The following UBR1 variants were observed in gnomAD, a reference collection of about 807,000 sequenced individuals.
UBR1 encodes E3 ubiquitin-protein ligase UBR1.
In UBR1, 102 loss-of-function variants were observed where a neutral mutation model predicts 242.1. The ratio of observed to expected loss-of-function variants is 0.42; its 90% confidence interval spans 0.36 to 0.50. The LOEUF is 0.50. Among genes scored for constraint, UBR1 ranks in the 20% least tolerant of loss-of-function variants. UBR1 has a pLI of 0.01. For missense variants in UBR1, 1,772 were observed against 2,101.8 expected (o/e 0.84, Z 3.07); for synonymous variants, 675 against 684.8 (o/e 0.99, Z 0.22).
chr15:42,963,948 G>A lies in UBR1; in HGVS notation c.4687C>T (p.Pro1563Ser). Residue 1563 changes from proline to serine, a missense_variant, in exon 42 of 47, where the codon CCC becomes TCC. Pro to Ser is a moderately conservative substitution (Grantham distance 74). Coordinates refer to ENST00000290650, the MANE Select transcript of UBR1 (RefSeq NM_174916.3). ...LFQEYWDTVR[P>S]LLQRWCADPA... is the part of the protein sequence containing the mutation. ...TCCCCATAGTACCTCTGGAGCAAGG[G>A]CCTTACAGTATCCCAATATTCCTGG... is the stretch of plus-strand genomic sequence containing the variant. The A allele has an allele frequency of 6.2e-7, 1 of 1,610,942 alleles. No homozygotes were observed.
intron 42 of UBR1, among the ~76,000 whole-genome samples, chr15:42,961,129 G>GT (rs2032010857): frequency 1.8e-5 from 1 of 55,650 alleles, no homozygotes; most frequent in Non-Finnish European, 3.7e-5. Flanking sequence ...TTTTTTTTTT[G>GT]TTTTGAGACA....
rs894046327 is a variant in UBR1 at position 43,104,930 on chromosome 15, C to T, written c.81+1012G>A. ...GCTGAGGCAGGAGAATTCCTGAACT[C>T]GGGAATTTGCAGTTCAATTCCTGAA... is the stretch of plus-strand genomic sequence containing the variant. On this transcript the variant is annotated intron_variant, in intron 1 of 46. Coordinates refer to ENST00000290650, the MANE Select transcript of UBR1 (RefSeq NM_174916.3). Among the ~76,000 whole-genome samples the T allele has an allele frequency of 2.6e-5, 4 of 152,164 alleles. No homozygotes were observed. The South Asian group carries it at 6.2e-4, about 24-fold the overall frequency.
At chr15:43,101,792 C>T (rs1314530454) in intron 1 of UBR1, among the ~76,000 whole-genome samples, 2 of 151,750 alleles carry the variant, frequency 1.3e-5, no homozygotes, top group Non-Finnish European at 2.9e-5. Flanking sequence ...CATGGTGAAA[C>T]CCCTCTCTTT....
intron 25 of UBR1, 62 bp from the exon 26 acceptor site, chr15:43,022,863 T>A (rs2033128232): frequency 2.8e-6 from 3 of 1,082,202 alleles, no homozygotes; most frequent in Non-Finnish European, 2.7e-6. Flanking sequence ...TATTTTTAAT[T>A]TAATTTTAAT....
At chr15:43,099,700 A>G (rs2034204360) in intron 1 of UBR1, among the ~76,000 whole-genome samples, 1 of 152,186 alleles carries the variant, frequency 6.6e-6, no homozygotes, top group South Asian at 2.1e-4. Context: ...CTTTGAAGCA[A>G]TGTGCTAGAA....
intron 45 of UBR1, 90 bp from the exon 46 acceptor site, chr15:42,950,453 G>T: frequency 9.6e-7 from 1 of 1,046,992 alleles, no homozygotes; most frequent in Non-Finnish European, 1.5e-6. Flanking sequence ...AAAAGACGTG[G>T]CCAATATCTG....
chr15:43,100,950 T>C (rs979092468), intron 1 of UBR1, among the ~76,000 whole-genome samples: 1 of 152,222 alleles, frequency 6.6e-6, no homozygotes, highest in African/African-American at 2.4e-5. Context: ...AATACAGTAA[T>C]TACAGATTGT....
At position 43,032,576 on chromosome 15, in the gene UBR1, T is replaced by C. The variant is rs750293170; in HGVS notation, c.2246A>G (p.Tyr749Cys). ...LIEEMLQVLI[Y>C]IVGERYVPGV... ...TTGTGTTTTAATCTTACCCACAATA[T>C]AGATGAGGACCTGAAGCATTTCTTC... is the stretch of plus-strand genomic sequence containing the variant. The change falls in exon 20 of 47, where the codon TAT (tyrosine) becomes TGT (cysteine). Residue 749 changes from tyrosine to cysteine, a missense_variant. Tyr to Cys is a radical substitution (Grantham distance 194, BLOSUM62 -2). Coordinates refer to ENST00000290650, the MANE Select transcript of UBR1 (RefSeq NM_174916.3). The C allele has an allele frequency of 1.0e-5, 16 of 1,536,734 alleles. No individual in the cohort carries two copies. Among genetic ancestry groups the C allele is most frequent in the South Asian group, 1.0e-4 (9 of 89,022 alleles).
intron 2 of UBR1, among the ~76,000 whole-genome samples, chr15:43,084,704 C>T (rs187704747): frequency 4.3e-4 from 66 of 152,278 alleles, no homozygotes; most frequent in African/African-American, 1.2e-3. Flanking sequence ...CCACCTGCCT[C>T]GGCCTCCCAA....
intron 19 of UBR1, among the ~76,000 whole-genome samples, chr15:43,035,071 T>C (rs922944655): frequency 5.9e-5 from 9 of 152,252 alleles, no homozygotes; most frequent in South Asian, 2.1e-4. Context: ...ATGCATCATA[T>C]AGTGCAATCC....
chr15:43,081,354 T>A (rs1262465723), intron 3 of UBR1, among the ~76,000 whole-genome samples: 1 of 146,990 alleles, frequency 6.8e-6, no homozygotes, highest in Non-Finnish European at 1.5e-5. Context: ...GAGGCGGACG[T>A]TGTGGTGAGC....
chr15:42,983,733 T>C (rs570044324), intron 37 of UBR1, among the ~76,000 whole-genome samples, 164 bp downstream of exon 37: 12 of 150,202 alleles, frequency 8.0e-5, no homozygotes, highest in South Asian at 6.3e-4. Flanking sequence ...GCTATGTGTT[T>C]ATCTGTTTTT....
intron 33 of UBR1, among the ~76,000 whole-genome samples, chr15:42,996,769 A>G (rs1422810846): frequency 1.3e-5 from 2 of 152,216 alleles, no homozygotes; most frequent in African/African-American, 4.8e-5. Flanking sequence ...AGAGGGTAAA[A>G]TAATCAGGGA....
Position 42,996,424 on chromosome 15 carries a change from T to C in UBR1, c.3757+1744A>G, listed in dbSNP as rs182647363. Among the ~76,000 whole-genome samples, 66 of 152,112 alleles carry C rather than the reference T, an allele frequency of 4.3e-4. No individual in the cohort carries two copies. The East Asian group carries it at 0.012, about 27-fold the overall frequency. ...CCAGTCTGGGCAACACAGCGAGACC[T>C]TGTCTCTACAAAAAATTTAAAAATT... On this transcript the variant is annotated intron_variant, in intron 33 of 46. Coordinates refer to ENST00000290650, the MANE Select transcript of UBR1 (RefSeq NM_174916.3).
intron 26 of UBR1, 118 bp from the exon 27 acceptor site, chr15:43,021,493 A>C (rs2033110246): frequency 1.2e-6 from 1 of 854,556 alleles, no homozygotes; most frequent in Admixed American, 1.9e-5. Context: ...CAATTCCCTT[A>C]TGTAAAATGG....
At chr15:43,045,644 A>G (rs1865774594) in intron 14 of UBR1, among the ~76,000 whole-genome samples, 1 of 152,210 alleles carries the variant, frequency 6.6e-6, no homozygotes. Context: ...ACACATACAC[A>G]CTTACCATCA....
At chr15:43,074,618 C>T (rs1461262122) in intron 4 of UBR1, among the ~76,000 whole-genome samples, 1 of 152,000 alleles carries the variant, frequency 6.6e-6, no homozygotes, top group Non-Finnish European at 1.5e-5. Context: ...TTAGTAGAGA[C>T]AGGGTTTCAT....
At chr15:43,057,718 C>T (rs2033635527) in intron 10 of UBR1, among the ~76,000 whole-genome samples, 1 of 152,102 alleles carries the variant, frequency 6.6e-6, no homozygotes, top group East Asian at 1.9e-4. Context: ...TTCAATTAGT[C>T]ACTTCTATTC....
At chr15:42,974,290 A>G (rs993816330) in intron 39 of UBR1, among the ~76,000 whole-genome samples, 1 of 152,164 alleles carries the variant, frequency 6.6e-6, no homozygotes, top group African/African-American at 2.4e-5. Flanking sequence ...TATTCATTTT[A>G]TTGGACATGG....
Sources: allele counts gnomAD v4.1 joint callset (sites outside exome capture counted in the v4.1 genomes callset), GRCh38; gene constraint gnomAD v4.1.1; transcripts MANE v1.5; gene names NCBI Gene and HGNC (gene_info 2026-07-23, HGNC 2026-07-21).